The following CTPS2 variants were observed in gnomAD, a reference collection of about 807,000 sequenced individuals.
The protein encoded by CTPS2 is CTP synthase 2.
A neutral mutation model predicts 46.8 loss-of-function variants in CTPS2; 19 were observed. The ratio of observed to expected loss-of-function variants is 0.41; its 90% CI spans 0.28 to 0.60. CTPS2 has a LOEUF of 0.60. Among genes scored for constraint, CTPS2 ranks in the 20% least tolerant of loss-of-function variants. The probability of loss-of-function intolerance (pLI) is 0.35; values close to 1 mark genes in which losing one functional copy is unlikely to be tolerated. For missense variants in CTPS2, 286 were observed against 447.6 expected (o/e 0.64, Z 3.26); for synonymous variants, 151 against 165.2 (o/e 0.91, Z 0.66).
chrX:16,648,340 A>T lies in CTPS2; in HGVS notation c.1297-9097T>A, dbSNP rs937043459. ...GATGTTTGTAATTGATTCTCAAATG[A>T]CTCAGGGGTGGAGGAAAGTATCTGT... On this transcript the variant is annotated intron_variant, in intron 13 of 18. Transcript: ENST00000359276. Among the ~76,000 whole-genome samples the T allele has an allele frequency of 1.3e-4, 15 of 111,771 alleles. No homozygotes were observed. The East Asian group carries it at 2.0e-3, about 15-fold the overall frequency.
intron 15 of CTPS2, among the ~76,000 whole-genome samples, chrX:16,618,682 C>T (rs909554694): frequency 2.7e-5 from 3 of 111,676 alleles, no homozygotes; most frequent in African/African-American, 9.8e-5. Context: ...TTTCAATACG[C>T]ATTTCCCTGA....
intron 1 of CTPS2, among the ~76,000 whole-genome samples, chrX:16,707,777 A>C (rs889503611): frequency 1.4e-4 from 16 of 112,238 alleles, no homozygotes; most frequent in African/African-American, 5.2e-4. Context: ...GTTCAAGACC[A>C]TCCTGGTCAG....
intron 14 of CTPS2, chrX:16,626,971 A>G (rs938057578): frequency 2.6e-5 from 3 of 113,636 alleles, no homozygotes; most frequent in Non-Finnish European, 5.6e-5. Flanking sequence ...CATATCTCCT[A>G]TTTCCAGGGG....
intron 13 of CTPS2, among the ~76,000 whole-genome samples, chrX:16,664,612 T>C (rs566241131): frequency 9.0e-6 from 1 of 110,927 alleles, no homozygotes. Context: ...ATGTAAAAAA[T>C]GGGAAGATGA....
chrX:16,692,277 T>TAAAAAC (rs1353034841), intron 6 of CTPS2, among the ~76,000 whole-genome samples: 5 of 106,158 alleles, frequency 4.7e-5, no homozygotes, highest in South Asian at 4.0e-4. Flanking sequence ...ACCCTGTCTC[T>TAAAAAC]ACAAACACAC....
intron 13 of CTPS2, chrX:16,651,237 C>T (rs1199612200): frequency 6.0e-6 from 5 of 837,660 alleles, no homozygotes; most frequent in Non-Finnish European, 8.6e-6. Context: ...TAGGGACCGT[C>T]GCTTGAGGGA....
chrX:16,664,017 T>C (rs1212527726), intron 13 of CTPS2, among the ~76,000 whole-genome samples: 3 of 110,982 alleles, frequency 2.7e-5, no homozygotes, highest in Admixed American at 9.6e-5. Flanking sequence ...TTTATGTTTT[T>C]AGTAGAGACA....
At chrX:16,681,490 T>C (rs1236602585) in intron 9 of CTPS2, among the ~76,000 whole-genome samples, 4 of 111,796 alleles carry the variant, frequency 3.6e-5, no homozygotes, top group African/African-American at 9.7e-5. Flanking sequence ...TGGTAACAAG[T>C]GGGATTTCAG....
intron 10 of CTPS2, among the ~76,000 whole-genome samples, chrX:16,676,471 G>T (rs1486926522): frequency 1.8e-5 from 2 of 112,157 alleles, no homozygotes; most frequent in East Asian, 5.6e-4. Flanking sequence ...ATTCCTTATG[G>T]AATAAGGTTC....
chrX:16,606,144 A>G lies in CTPS2; in HGVS notation c.1691+3397T>C, dbSNP rs768170252. On this transcript the variant is annotated intron_variant, in intron 17 of 18. Coordinates refer to ENST00000359276, the MANE Select transcript of CTPS2 (RefSeq NM_175859.3). Reference sequence around the variant, plus strand: ...GATTTTTACACTCCATGCTTTAAAGACATTGGCCGTACACGTGCCATACAA... The same window carrying G: ...GATTTTTACACTCCATGCTTTAAAGGCATTGGCCGTACACGTGCCATACAA... Among the ~76,000 whole-genome samples, 3 of 112,772 alleles carry G rather than the reference A, an allele frequency of 2.7e-5. No individual in the cohort carries two copies. In the Admixed American group the frequency reaches 2.8e-4, roughly 11 times the overall value.
At position 16,691,665 on chromosome X, in the gene CTPS2, C is replaced by T. The variant is rs769842108; in HGVS notation, c.640-45G>A. 75 of 1,024,660 alleles carry T rather than the reference C, an allele frequency of 7.3e-5. No homozygotes were observed. The Admixed American group carries it at 1.6e-3, about 22-fold the overall frequency. The allele number at this position is 1,024,660 out of a possible 1,213,427, so 84.4% of individuals were successfully genotyped here. A position where few individuals can be genotyped will look rare whatever the true frequency, so the allele number is the denominator to read the frequency against. ...TTCAGCAAACAGGATTCACTTTCAG[C>T]AGGATGCCACATTCATTTCTTTTTA... On this transcript the variant is annotated intron_variant, in intron 6 of 18. Coordinates refer to ENST00000359276, the MANE Select transcript of CTPS2 (RefSeq NM_175859.3).
rs747547948 is a variant in CTPS2, at chrX:16,668,426, C to CA, written c.1190-703dup. On this transcript the variant is annotated intron_variant, in intron 11 of 18. Transcript: ENST00000359276. ...CATCTCTACTAAAAAAAAAAAAATACAAAAAAAAATTAGCCAGGCATGGTG... is the reference window on the plus strand; with the variant it reads ...CATCTCTACTAAAAAAAAAAAAATACAAAAAAAAAATTAGCCAGGCATGGTG... 4.3e-3 allele frequency among the ~76,000 whole-genome samples: 419 copies of CA among 98,262 alleles called. 5 individuals are homozygous for CA. Among genetic ancestry groups the CA allele is most frequent in the African/African-American group, 0.015 (403 of 26,753 alleles). 85.3% of individuals were successfully genotyped at this position (98,262 alleles called of 115,157 possible). A position where few individuals can be genotyped will look rare whatever the true frequency, so the allele number is the denominator to read the frequency against.
chrX:16,691,290 G>A (rs1923677393), intron 7 of CTPS2, among the ~76,000 whole-genome samples: 2 of 111,772 alleles, frequency 1.8e-5, no homozygotes, highest in South Asian at 7.5e-4. Flanking sequence ...CTGCACTCCA[G>A]CCTGGGTGAC....
intron 13 of CTPS2, among the ~76,000 whole-genome samples, chrX:16,666,379 C>T (rs1225496074): frequency 8.9e-6 from 1 of 111,884 alleles, no homozygotes; most frequent in African/African-American, 3.3e-5. Context: ...TTTTTCAATG[C>T]TTTTATTGAG....
chrX:16,664,052 G>A (rs1022127921), intron 13 of CTPS2, among the ~76,000 whole-genome samples: 1 of 111,461 alleles, frequency 9.0e-6, no homozygotes, highest in Non-Finnish European at 1.9e-5. Flanking sequence ...TAGCCAGGAT[G>A]GTCTTGATCT....
intron 18 of CTPS2, 72 bp downstream of exon 18, chrX:16,590,680 A>G: frequency 1.8e-6 from 1 of 565,785 alleles, no homozygotes; most frequent in South Asian, 3.0e-5. Flanking sequence ...GAGTCCTATA[A>G]TACCCGCCTC....
At chrX:16,640,737 T>C (rs1932039063) in intron 13 of CTPS2, among the ~76,000 whole-genome samples, 1 of 112,021 alleles carries the variant, frequency 8.9e-6, no homozygotes, top group Admixed American at 9.5e-5. Flanking sequence ...TCTAATGGAA[T>C]TGCTTGAGCT....
intron 13 of CTPS2, among the ~76,000 whole-genome samples, chrX:16,657,046 G>C (rs1932837417): frequency 9.1e-6 from 1 of 109,852 alleles, no homozygotes. Flanking sequence ...ACCATGACTG[G>C]CTAATTTTTT....
At chrX:16,632,724 A>AAG (rs1331765011) in intron 14 of CTPS2, among the ~76,000 whole-genome samples, 1 of 111,274 alleles carries the variant, frequency 9.0e-6, no homozygotes, top group Non-Finnish European at 1.9e-5. Flanking sequence ...ATGCCTGGCC[A>AAG]AGAGTTACAT....
Sources: gnomAD v4.1 joint callset for allele counts (sites outside exome capture counted in the v4.1 genomes callset) on GRCh38, gnomAD v4.1.1 for gene constraint, MANE v1.5 for transcripts, NCBI Gene and HGNC (gene_info 2026-07-23, HGNC 2026-07-21) for gene names.